The following SVEP1 variants were observed in gnomAD, a reference collection of about 807,000 sequenced individuals.
SVEP1 encodes the protein sushi, von Willebrand factor type A, EGF and pentraxin domain containing 1, also known as sushi, von Willebrand factor type A, EGF and pentraxin domain-containing protein 1.
In SVEP1, 164 loss-of-function variants were observed where a neutral mutation model predicts 367.3. The observed-to-expected ratio is 0.45, with a 90% CI of 0.39 to 0.51. The LOEUF is 0.51. Ranked by LOEUF, SVEP1 falls within the 20% of genes least tolerant of loss-of-function variation. The probability of loss-of-function intolerance (pLI) is 0.00; values close to 1 mark genes in which losing one functional copy is unlikely to be tolerated. For synonymous variants in SVEP1, 1,666 were observed against 1,611.6 expected (o/e 1.03, Z -0.81); for missense variants, 4,117 against 4,425.3 (o/e 0.93, Z 1.98).
chr9:110,412,670 T>G (rs1470159938), intron 36 of SVEP1, among the ~76,000 whole-genome samples: 1 of 146,650 alleles, frequency 6.8e-6, no homozygotes, highest in Non-Finnish European at 1.5e-5. Flanking sequence ...ATATCCAGAA[T>G]CTACAATGAA....
chr9:110,390,173 ATGTATG>A (rs1827617717), intron 40 of SVEP1, among the ~76,000 whole-genome samples: 3 of 75,740 alleles, frequency 4.0e-5, no homozygotes, highest in South Asian at 4.1e-4. Context: ...TTATATAAGT[ATGTATG>A]TATATATACA....
intron 14 of SVEP1, among the ~76,000 whole-genome samples, chr9:110,472,759 A>G (rs1829039881): frequency 6.6e-6 from 1 of 152,182 alleles, no homozygotes; most frequent in Admixed American, 6.5e-5. Context: ...ATCTCCTCTC[A>G]TGAAGATTAC....
intron 27 of SVEP1, chr9:110,443,030 G>A (rs770937390): frequency 6.6e-6 from 1 of 152,144 alleles, no homozygotes; most frequent in Non-Finnish European, 1.5e-5. Context: ...TATCCAGATA[G>A]AACAAGCTTA....
chr9:110,528,156 G>GTGTATATATATATATATATATATA, intron 3 of SVEP1, among the ~76,000 whole-genome samples: 1 of 33,950 alleles, frequency 2.9e-5, no homozygotes, highest in Non-Finnish European at 5.7e-5. Flanking sequence ...GTGTGTGTGT[G>GTGTATATATATATATATATATATA]TATATATATA....
intron 24 of SVEP1, among the ~76,000 whole-genome samples, chr9:110,448,781 T>C (rs561387624): frequency 6.6e-6 from 1 of 152,356 alleles, no homozygotes; most frequent in Non-Finnish European, 1.5e-5. Context: ...TACAGTTATG[T>C]ACTATATGCC....
chr9:110,430,537 A>G, intron 32 of SVEP1, 87 bp from the exon 33 acceptor site: 1 of 1,387,086 alleles, frequency 7.2e-7, no homozygotes, highest in Non-Finnish European at 9.7e-7. Flanking sequence ...ACTATAGTTA[A>G]GAAACCTGTT....
intron 1 of SVEP1, among the ~76,000 whole-genome samples, chr9:110,563,245 C>G (rs986553954): frequency 6.6e-6 from 1 of 151,998 alleles, no homozygotes. Context: ...ATTTTCATTA[C>G]GCAACTTTAA....
chr9:110,489,858 A>G, intron 8 of SVEP1, 79 bp from the exon 9 acceptor site: 6 of 1,437,952 alleles, frequency 4.2e-6, no homozygotes, highest in Non-Finnish European at 4.6e-6. Flanking sequence ...ATTATTAGTA[A>G]TGTTAACAAT....
intron 34 of SVEP1, 49 bp from the exon 35 acceptor site, chr9:110,429,383 A>G: frequency 7.3e-7 from 1 of 1,361,078 alleles, no homozygotes; most frequent in Non-Finnish European, 9.7e-7. Context: ...TTTATTTTGC[A>G]TGCCGTTATC....
Position 110,411,146 on chromosome 9 carries a change from T to A in SVEP1, c.6565A>T (p.Thr2189Ser), listed in dbSNP as rs774246227. The A allele has an allele frequency of 6.2e-7, 1 of 1,613,954 alleles. No individual in the cohort carries two copies. The highest frequency in any genetic ancestry group is 1.1e-5 in the South Asian group (1 of 91,032). ...KGEKKSTCEA[T>S]GQWSSPIPTC... ...GGTATAGGACTACTCCACTGCCCTG[T>A]GGCTTCGCAGGTGCTCTTCTTTTCC... is the stretch of plus-strand genomic sequence containing the variant. The change falls in exon 37 of 48, where the codon ACA becomes TCA. Residue 2189 changes from threonine (T) to serine (S), a missense_variant. Around this residue, in one of 4 missense-constraint regions of SVEP1, gnomAD observed 1,765 missense variants for 1,781.1 expected, o/e 0.99. Coordinates refer to ENST00000374469, the MANE Select transcript of SVEP1 (RefSeq NM_153366.4).
intron 36 of SVEP1, among the ~76,000 whole-genome samples, chr9:110,412,710 C>G (rs1277088817): frequency 6.6e-6 from 1 of 151,910 alleles, no homozygotes; most frequent in African/African-American, 2.4e-5. Context: ...AAAAACAAAC[C>G]CCATCAAAAA....
intron 5 of SVEP1, among the ~76,000 whole-genome samples, chr9:110,507,008 C>A (rs1233378188): frequency 6.6e-6 from 1 of 152,172 alleles, no homozygotes; most frequent in Non-Finnish European, 1.5e-5. Flanking sequence ...AGAAGGCATG[C>A]ACATTCCATT....
chr9:110,474,141 C>G (rs530620153), intron 14 of SVEP1, among the ~76,000 whole-genome samples: 1 of 152,248 alleles, frequency 6.6e-6, no homozygotes, highest in Non-Finnish European at 1.5e-5. Flanking sequence ...GCTGGGATTA[C>G]AAGCACGTGC....
At chr9:110,476,415 G>T in intron 13 of SVEP1, 100 bp from the exon 14 acceptor site, 1 of 836,666 alleles carries the variant, frequency 1.2e-6, no homozygotes, top group Non-Finnish European at 2.0e-6. Flanking sequence ...ATCAGCAGGA[G>T]GGAAGGGAGG....
chr9:110,403,641 A>T (rs1349960412), intron 39 of SVEP1, among the ~76,000 whole-genome samples: 3 of 151,224 alleles, frequency 2.0e-5, no homozygotes, highest in Non-Finnish European at 2.9e-5. Flanking sequence ...AAAATTAGGT[A>T]AAAAAAATGT....
At chr9:110,438,956 G>GA (rs1173384143) in intron 27 of SVEP1, among the ~76,000 whole-genome samples, 1 of 152,064 alleles carries the variant, frequency 6.6e-6, no homozygotes, top group East Asian at 1.9e-4. Context: ...TCAGTATGTC[G>GA]AAAACCATAT....
intron 21 of SVEP1, 33 bp downstream of exon 21, chr9:110,457,223 A>C (rs929759413): frequency 2.0e-6 from 3 of 1,481,198 alleles, no homozygotes; most frequent in African/African-American, 2.8e-5. Flanking sequence ...CATATAAAAT[A>C]TATTAAAATC....
At chr9:110,506,916 G>A (rs982047630) in intron 5 of SVEP1, among the ~76,000 whole-genome samples, 2 of 152,098 alleles carry the variant, frequency 1.3e-5, no homozygotes, top group African/African-American at 4.8e-5. Flanking sequence ...GAAAGGAGTA[G>A]GGGTAGGGGA....
intron 43 of SVEP1, among the ~76,000 whole-genome samples, chr9:110,385,645 T>C (rs1273165175): frequency 6.6e-6 from 1 of 152,230 alleles, no homozygotes; most frequent in East Asian, 1.9e-4. Context: ...TTTAATACCT[T>C]GCTCATTCTT....
Sources: gnomAD v4.1 joint callset for allele counts (sites outside exome capture counted in the v4.1 genomes callset) on GRCh38, gnomAD v4.1.1 for gene constraint, gnomAD v4.1.1 regional missense constraint, MANE v1.5 for transcripts, NCBI Gene and HGNC (gene_info 2026-07-23, HGNC 2026-07-21) for gene names.